PARP8: variants seen among roughly 807,000 people sequenced by gnomAD.
PARP8 encodes protein mono-ADP-ribosyltransferase PARP8.
PARP8 carries 51 observed loss-of-function variants against 124.1 expected under a neutral mutation model. That is an observed-to-expected ratio of 0.41 (90% confidence interval 0.33 to 0.52). PARP8 has a LOEUF of 0.52. PARP8 is among the 20% of genes least tolerant of loss of function. The pLI, the probability that PARP8 is intolerant of heterozygous loss-of-function variation, is 0.21. For missense variants in PARP8, 860 were observed against 1,018.9 expected (o/e 0.84, Z 2.12); for synonymous variants, 391 against 361.5 (o/e 1.08, Z -0.93).
intron 14 of PARP8, among the ~76,000 whole-genome samples, chr5:50,813,568 A>G (rs928515737): frequency 6.6e-6 from 1 of 152,088 alleles, no homozygotes; most frequent in Non-Finnish European, 1.5e-5. Context: ...TCTTTTCCTA[A>G]TTGGATACCC....
chr5:50,758,793 C>G (rs1414453084), intron 3 of PARP8, among the ~76,000 whole-genome samples: 2 of 152,096 alleles, frequency 1.3e-5, no homozygotes, highest in Non-Finnish European at 2.9e-5. Context: ...ATTGTATTAC[C>G]ATATACTTGG....
intron 8 of PARP8, 45 bp downstream of exon 8, chr5:50,778,174 ATTTTAT>A: frequency 1.5e-6 from 2 of 1,327,812 alleles, no homozygotes; most frequent in Non-Finnish European, 2.1e-6. Flanking sequence ...TTTAAAATAC[ATTTTAT>A]TTTATTTTTG....
At chr5:50,694,749 A>G (rs570386214) in intron 2 of PARP8, among the ~76,000 whole-genome samples, 3 of 152,334 alleles carry the variant, frequency 2.0e-5, no homozygotes, top group East Asian at 3.9e-4. Context: ...AAATCCCACA[A>G]TAGTCTGTCT....
intron 2 of PARP8, among the ~76,000 whole-genome samples, chr5:50,691,597 A>G (rs1172161762): frequency 6.6e-6 from 1 of 152,032 alleles, no homozygotes; most frequent in African/African-American, 2.4e-5. Context: ...ATCTCCATCA[A>G]CCTTGTGTTG....
intron 2 of PARP8, among the ~76,000 whole-genome samples, chr5:50,702,233 T>C (rs1279105703): frequency 6.6e-6 from 1 of 152,170 alleles, no homozygotes; most frequent in Non-Finnish European, 1.5e-5. Context: ...AATTAAGTTT[T>C]TTTTAAAAAA....
At chr5:50,815,844 G>T (rs1408315252) in intron 15 of PARP8, among the ~76,000 whole-genome samples, 1 of 152,084 alleles carries the variant, frequency 6.6e-6, no homozygotes, top group African/African-American at 2.4e-5. Context: ...TATTTGTAAA[G>T]ATAACTGCCA....
In PARP8 at chr5:50,750,559, AGTGT is replaced by A. The variant is rs796583591; in HGVS notation, c.184+380_184+383del. On this transcript the variant is annotated intron_variant, in intron 3 of 25. Transcript: ENST00000281631. ...TTTATTTGTTTCAGTCAGTTTTCTA[AGTGT>A]GTGTGTGTATCTATTTTTTCTTTTT... 1.2e-4 allele frequency among the ~76,000 whole-genome samples: 18 copies of A among 152,096 alleles called. 1 individual carries two copies. The highest frequency in any genetic ancestry group is 4.3e-4 in the African/African-American group (18 of 41,538).
At chr5:50,814,498 A>C (rs1744862956) in intron 14 of PARP8, among the ~76,000 whole-genome samples, 1 of 152,162 alleles carries the variant, frequency 6.6e-6, no homozygotes. Flanking sequence ...GGAAATATAT[A>C]GATTCATTTT....
chr5:50,816,690 A>T (rs1745140829), intron 15 of PARP8, among the ~76,000 whole-genome samples: 2 of 152,136 alleles, frequency 1.3e-5, no homozygotes, highest in Admixed American at 6.6e-5. Flanking sequence ...AAATTTCCAA[A>T]CTATAGCTTC....
At chr5:50,752,167 A>G (rs1384970370) in intron 3 of PARP8, among the ~76,000 whole-genome samples, 1 of 151,980 alleles carries the variant, frequency 6.6e-6, no homozygotes, top group African/African-American at 2.4e-5. Context: ...ATTGTTTGGC[A>G]TCTGTTGAGG....
intron 10 of PARP8, among the ~76,000 whole-genome samples, chr5:50,793,181 G>GT (rs1476200542): frequency 6.6e-6 from 1 of 152,120 alleles, no homozygotes; most frequent in African/African-American, 2.4e-5. Flanking sequence ...GTGACATATT[G>GT]TAAGTGGGAA....
At chr5:50,712,082 A>C (rs1203073288) in intron 2 of PARP8, among the ~76,000 whole-genome samples, 2 of 152,118 alleles carry the variant, frequency 1.3e-5, no homozygotes, top group Non-Finnish European at 2.9e-5. Context: ...TATCAATTTT[A>C]AGAGTAGTAA....
chr5:50,692,222 A>G (rs1752567533), intron 2 of PARP8, among the ~76,000 whole-genome samples: 1 of 152,274 alleles, frequency 6.6e-6, no homozygotes, highest in Non-Finnish European at 1.5e-5. Flanking sequence ...CATGTCATTC[A>G]AAAGTGTCTT....
intron 2 of PARP8, among the ~76,000 whole-genome samples, chr5:50,670,549 A>G (rs577985226): frequency 3.3e-5 from 5 of 152,360 alleles, no homozygotes; most frequent in African/African-American, 9.6e-5. Flanking sequence ...GATTGTGTCC[A>G]TGCTGGCAAG....
intron 23 of PARP8, 109 bp from the exon 24 acceptor site, chr5:50,833,870 T>C: frequency 1.3e-6 from 1 of 759,294 alleles, no homozygotes; most frequent in Non-Finnish European, 2.2e-6. Flanking sequence ...ATAGGCTTTT[T>C]TTTTTTGACC....
intron 25 of PARP8, 91 bp from the exon 26 acceptor site, chr5:50,841,875 C>T: frequency 2.4e-6 from 2 of 837,320 alleles, no homozygotes; most frequent in Admixed American, 2.9e-5. Context: ...TTCTCTTGGG[C>T]TATATTTTAG....
At chr5:50,722,337 T>C (rs1755978650) in intron 2 of PARP8, among the ~76,000 whole-genome samples, 1 of 152,088 alleles carries the variant, frequency 6.6e-6, no homozygotes, top group Admixed American at 6.6e-5. Context: ...ATATGGTATA[T>C]ACTTCTATGT....
intron 3 of PARP8, among the ~76,000 whole-genome samples, chr5:50,758,583 C>G (rs1760209503): frequency 6.6e-6 from 1 of 152,126 alleles, no homozygotes; most frequent in Admixed American, 6.5e-5. Flanking sequence ...ATTCCCTGCG[C>G]CATAAGAACA....
intron 2 of PARP8, among the ~76,000 whole-genome samples, chr5:50,704,983 T>C (rs1753984484): frequency 6.6e-6 from 1 of 152,186 alleles, no homozygotes; most frequent in African/African-American, 2.4e-5. Context: ...GTAAAGCAAG[T>C]GAAAGCTTTA....
Sources: allele counts gnomAD v4.1 joint callset (sites outside exome capture counted in the v4.1 genomes callset), GRCh38; gene constraint gnomAD v4.1.1; transcripts MANE v1.5; gene names NCBI Gene and HGNC (gene_info 2026-07-23, HGNC 2026-07-21).